Variants in SLC7A2 observed in about 807,000 individuals in gnomAD.
The protein encoded by SLC7A2 is solute carrier family 7 member 2.
In SLC7A2, 48 loss-of-function variants were observed where a neutral mutation model predicts 58.9. That is an observed-to-expected ratio of 0.82 (90% CI 0.65 to 1.04). The LOEUF is 1.04. Among genes scored for constraint, SLC7A2 ranks in the 50% least tolerant of loss-of-function variants. The pLI is 0.00. For synonymous variants in SLC7A2, 363 were observed against 314.5 expected (o/e 1.15, Z -1.63); for missense variants, 1,029 against 818.8 (o/e 1.26, Z -3.13).
At chr8:17,552,340 A>G (rs990078427) in intron 7 of SLC7A2, among the ~76,000 whole-genome samples, 1 of 152,098 alleles carries the variant, frequency 6.6e-6, no homozygotes, top group Non-Finnish European at 1.5e-5. Flanking sequence ...ATCTTTCTCT[A>G]TTGGCGTTGG....
upstream of SLC7A2, among the ~76,000 whole-genome samples, chr8:17,494,843 T>C (rs77780283): frequency 7.9e-5 from 12 of 152,350 alleles, no homozygotes; most frequent in East Asian, 2.3e-3. Context: ...AGAAAGTTGT[T>C]TGAAAGAATT....
chr8:17,566,174 ATTAC>A lies in SLC7A2; in HGVS notation c.*1036_*1039del, dbSNP rs1803255283. ...TAGTGGAATGATTCCTCCTTTTTCC[ATTAC>A]TTACTTAATCACAGTTTAGTTTTTT... On this transcript the variant is annotated 3_prime_UTR_variant, in exon 13 of 13. Coordinates refer to ENST00000494857, the MANE Select transcript of SLC7A2 (RefSeq NM_001370338.1). 1 of 152,280 alleles carries A rather than the reference ATTAC, an allele frequency of 6.6e-6. No homozygotes were observed. Among genetic ancestry groups the A allele is most frequent in the East Asian group, 1.9e-4 (1 of 5,184 alleles). The allele number at this position is 152,280 out of a possible 1,614,324, so 9.4% of individuals were successfully genotyped here.
chr8:17,556,766 G>A (rs532803169), intron 8 of SLC7A2, among the ~76,000 whole-genome samples: 6 of 151,910 alleles, frequency 3.9e-5, no homozygotes, highest in East Asian at 2.0e-4. Context: ...GTGCCACCAC[G>A]CCCAGCTGAT....
Position 17,524,414 on chromosome 8 carries a change from GTGTGTGTACA to G in SLC7A2, c.-22-18903_-22-18894del, listed in dbSNP as rs1175084692. The stretch of plus-strand genomic sequence containing the variant: ...ATGTGAGATATACATATATGTGTGT[GTGTGTGTACA>G]CACACACACACACACACACACACAC... On this transcript the variant is annotated intron_variant, in intron 2 of 12. Transcript: ENST00000494857. Among the ~76,000 whole-genome samples, 6 of 140,818 alleles carry G rather than the reference GTGTGTGTACA, an allele frequency of 4.3e-5. 1 individual carries two copies. Among genetic ancestry groups the G allele is most frequent in the African/African-American group, 1.7e-4 (6 of 35,510 alleles). 92.4% of individuals were successfully genotyped at this position (140,818 alleles called of 152,430 possible).
intron 2 of SLC7A2, among the ~76,000 whole-genome samples, chr8:17,504,561 T>G (rs1162780399): frequency 6.6e-6 from 1 of 152,212 alleles, no homozygotes; most frequent in Non-Finnish European, 1.5e-5. Flanking sequence ...TTATCAATTG[T>G]ATTTCTATAT....
intron 10 of SLC7A2, among the ~76,000 whole-genome samples, chr8:17,561,134 C>A (rs971095552): frequency 6.6e-6 from 1 of 152,148 alleles, no homozygotes. Context: ...GTGGTGATGT[C>A]ATTCTCTAAA....
intron 10 of SLC7A2, among the ~76,000 whole-genome samples, chr8:17,561,707 G>A (rs1802995073): frequency 1.3e-5 from 2 of 152,176 alleles, no homozygotes; most frequent in East Asian, 1.9e-4. Context: ...CACTAGGAGG[G>A]GCGGTTGGTT....
At chr8:17,536,778 C>T (rs980704920) in intron 2 of SLC7A2, among the ~76,000 whole-genome samples, 21 of 152,116 alleles carry the variant, frequency 1.4e-4, no homozygotes, top group African/African-American at 5.1e-4. Context: ...GAAGAGTTGA[C>T]AGTGGGAGTA....
At chr8:17,532,261 C>CAAA (rs1563454562) in intron 2 of SLC7A2, among the ~76,000 whole-genome samples, 1 of 28,622 alleles carries the variant, frequency 3.5e-5, no homozygotes, top group African/African-American at 7.2e-5. Context: ...AAAAAAAAAC[C>CAAA]CCAGCAATTC....
chr8:17,528,238 GAATT>G (rs763865803), intron 2 of SLC7A2, among the ~76,000 whole-genome samples: 20 of 152,122 alleles, frequency 1.3e-4, no homozygotes, highest in Non-Finnish European at 1.5e-4. Context: ...AAAGCAAAAA[GAATT>G]AATAGAAGTA....
At chr8:17,519,795 AC>A (rs1386145769) in intron 2 of SLC7A2, among the ~76,000 whole-genome samples, 3 of 152,216 alleles carry the variant, frequency 2.0e-5, no homozygotes, top group Admixed American at 2.0e-4. Flanking sequence ...CTAAATATTC[AC>A]ATTCATCTTG....
At chr8:17,512,953 G>C (rs1045081378) in intron 2 of SLC7A2, among the ~76,000 whole-genome samples, 3 of 152,162 alleles carry the variant, frequency 2.0e-5, no homozygotes, top group African/African-American at 7.2e-5. Flanking sequence ...CCGTGTTGCA[G>C]CATGTGTCAG....
At chr8:17,509,225 G>A (rs1800496066) in intron 2 of SLC7A2, among the ~76,000 whole-genome samples, 1 of 152,186 alleles carries the variant, frequency 6.6e-6, no homozygotes, top group South Asian at 2.1e-4. Flanking sequence ...ATCTAACTTT[G>A]TATCCATGAA....
At chr8:17,509,393 C>A (rs367573820) in intron 2 of SLC7A2, among the ~76,000 whole-genome samples, 12 of 152,224 alleles carry the variant, frequency 7.9e-5, no homozygotes, top group East Asian at 7.7e-4. Context: ...GCAACCTCCG[C>A]CTCCCTGGTT....
At chr8:17,554,971 C>T in intron 8 of SLC7A2, 1 of 1,613,916 alleles carries the variant, frequency 6.2e-7, no homozygotes, top group Non-Finnish European at 8.5e-7. Flanking sequence ...GTTTCCTTTA[C>T]CCCGAATTCT....
At chr8:17,541,739 A>G (rs1801920346) in intron 2 of SLC7A2, among the ~76,000 whole-genome samples, 1 of 152,190 alleles carries the variant, frequency 6.6e-6, no homozygotes, top group South Asian at 2.1e-4. Context: ...TTCATTGGAG[A>G]CAAATTAGAA....
chr8:17,518,933 G>A (rs1159437256), intron 2 of SLC7A2, among the ~76,000 whole-genome samples: 3 of 152,146 alleles, frequency 2.0e-5, no homozygotes, highest in Non-Finnish European at 4.4e-5. Flanking sequence ...TTCCTGGCCT[G>A]CAGACGGCAG....
chr8:17,554,912 A>G (rs112119581), intron 8 of SLC7A2: 1 of 1,610,460 alleles, frequency 6.2e-7, no homozygotes, highest in Non-Finnish European at 8.5e-7. Flanking sequence ...CCTTAAAATA[A>G]CTCATGTGTG....
At position 17,544,435 on chromosome 8, in the gene SLC7A2, G is replaced by C. The variant is rs767051770; in HGVS notation, c.377-16G>C. On this transcript the variant is annotated splice_polypyrimidine_tract_variant and intron_variant, in intron 3 of 12. Coordinates refer to ENST00000494857, the MANE Select transcript of SLC7A2 (RefSeq NM_001370338.1). Reference sequence around the variant, plus strand: ...TGCCCCCAGTGACTTCGTATTCTCTGTTCTGTTTTGGGAAGGTACATCAAG... The same window carrying C: ...TGCCCCCAGTGACTTCGTATTCTCTCTTCTGTTTTGGGAAGGTACATCAAG... 3.7e-6 allele frequency: 6 copies of C among 1,611,048 alleles called. No homozygotes were observed. The highest frequency in any genetic ancestry group is 1.1e-5 in the South Asian group (1 of 90,458).
Sources: allele counts gnomAD v4.1 joint callset (sites outside exome capture counted in the v4.1 genomes callset), GRCh38; gene constraint gnomAD v4.1.1; transcripts MANE v1.5; gene names NCBI Gene and HGNC (gene_info 2026-07-23, HGNC 2026-07-21).